NDRG2: variants seen among roughly 807,000 people sequenced by gnomAD.
NDRG2 encodes NDRG family member 2.
Under a neutral mutation model 58.2 loss-of-function variants are expected in NDRG2, and 34 were observed. That is an observed-to-expected ratio of 0.58 (90% CI 0.44 to 0.78). The LOEUF (loss-of-function observed/expected upper bound fraction) is 0.78, where lower values mean the gene tolerates loss of function less well. Ranked by LOEUF, NDRG2 falls within the 30% of genes least tolerant of loss-of-function variation. The pLI is 0.00. For missense variants in NDRG2, 434 were observed against 471.2 expected (o/e 0.92, Z 0.73); for synonymous variants, 187 against 175.9 (o/e 1.06, Z -0.50).
Position 21,057,618 on chromosome 14 carries a change from C to CATATATATATATATATAT in NDRG2, c.24+13192_24+13209dup, listed in dbSNP as rs57420807. Among the ~76,000 whole-genome samples, 545 of 122,864 alleles carry CATATATATATATATATAT rather than the reference C, an allele frequency of 4.4e-3. 24 individuals carry two copies. Among genetic ancestry groups the CATATATATATATATATAT allele is most frequent in the African/African-American group, 0.017 (512 of 29,844 alleles). 80.6% of individuals were successfully genotyped at this position (122,864 alleles called of 152,430 possible). A position where few individuals can be genotyped will look rare whatever the true frequency, so the allele number is the denominator to read the frequency against. ...TAACTTTCCTGAGCCTCATTTTATT[C>CATATATATATATATATAT]ATATATATATATATATATGTGAGAA... On this transcript the variant is annotated intron_variant, in intron 1 of 14. Transcript: ENST00000403829.
In NDRG2 at chr14:21,038,493, A is replaced by G. The variant is rs570813297; in HGVS notation, c.25-15172T>C. 2.6e-5 allele frequency among the ~76,000 whole-genome samples: 4 copies of G among 152,324 alleles called. No homozygotes were observed. The East Asian group carries it at 7.7e-4, about 29-fold the overall frequency. The stretch of plus-strand genomic sequence containing the variant: ...TGTCTCTGAATTGGGAGGGTCAGAG[A>G]AAGTTTTCCTGAAGGGTCACCCTGG... On this transcript the variant is annotated intron_variant, in intron 1 of 14. Coordinates refer to the NDRG2 transcript ENST00000403829.
At chr14:21,045,505 A>G (rs1885103216) in intron 1 of NDRG2, among the ~76,000 whole-genome samples, 1 of 152,188 alleles carries the variant, frequency 6.6e-6, no homozygotes, top group African/African-American at 2.4e-5. Context: ...TTACCATCCT[A>G]AAGAGATGAT....
rs117065194 is a variant in NDRG2, at chr14:21,036,043, G to A, written c.25-12722C>T. ...ATTTTTTACCTCACGGCAGTATGAG[G>A]ATCCATTAAGATGTATATCAAGAGT... is the stretch of plus-strand genomic sequence containing the variant. On this transcript the variant is annotated intron_variant, in intron 1 of 14. Transcript: ENST00000403829. 8.4e-4 allele frequency: 318 copies of A among 380,248 alleles called. No homozygotes were observed. The East Asian group carries it at 0.02, about 24-fold the overall frequency. 23.6% of individuals were successfully genotyped at this position (380,248 alleles called of 1,614,324 possible).
rs1038756276 is a variant in NDRG2, at chr14:21,070,543, C to T, written c.24+285G>A. 9.4e-7 allele frequency: 1 copy of T among 1,060,196 alleles called. No homozygotes were observed. Among genetic ancestry groups the T allele is most frequent in the African/African-American group, 1.6e-5 (1 of 62,846 alleles). The allele number at this position is 1,060,196 out of a possible 1,614,324, so 65.7% of individuals were successfully genotyped here. The stretch of plus-strand genomic sequence containing the variant: ...ACTCTCCTCCCTCCCATCCCCCCTT[C>T]TTCGATTTGTCTGTCTGCCCGACTG... On this transcript the variant is annotated intron_variant, in intron 1 of 14. Coordinates refer to the NDRG2 transcript ENST00000403829. This position sits in a 1 kb window ranked among gnomAD's most constrained non-coding sequence, Gnocchi z 4.7.
At chr14:21,051,411 G>A (rs1280604312) in intron 1 of NDRG2, among the ~76,000 whole-genome samples, 3 of 152,156 alleles carry the variant, frequency 2.0e-5, no homozygotes, top group East Asian at 1.9e-4. Context: ...AAGGCTGCAC[G>A]CAGCCTTGTT....
intron 1 of NDRG2, among the ~76,000 whole-genome samples, chr14:21,064,947 G>A (rs1249585161): frequency 1.3e-5 from 2 of 152,158 alleles, no homozygotes; most frequent in Non-Finnish European, 2.9e-5. Flanking sequence ...GAGGCAGGCA[G>A]ATCACCTGAG....
chr14:21,026,073 G>C (rs891080750), upstream of NDRG2, among the ~76,000 whole-genome samples: 1 of 151,978 alleles, frequency 6.6e-6, no homozygotes, highest in Non-Finnish European at 1.5e-5. Context: ...AATGCCCGGG[G>C]GATGGTCTCA....
chr14:21,040,603 G>A (rs977142641), intron 1 of NDRG2, among the ~76,000 whole-genome samples: 21 of 152,274 alleles, frequency 1.4e-4, no homozygotes, highest in African/African-American at 3.4e-4. Context: ...CAAATGGTCC[G>A]TAAGTCTTCC....
chr14:21,019,770 AG>A (rs150516189), intron 9 of NDRG2, 28 bp from the exon 10 acceptor site: 80,641 of 1,554,046 alleles, frequency 0.052, 2,458 homozygotes, highest in East Asian at 0.13. Flanking sequence ...GAGAAAAATT[AG>A]GGATGGAAAG....
At chr14:21,049,096 A>T (rs1446686866) in intron 1 of NDRG2, among the ~76,000 whole-genome samples, 1 of 152,194 alleles carries the variant, frequency 6.6e-6, no homozygotes, top group Non-Finnish European at 1.5e-5. Flanking sequence ...TAGGACCACT[A>T]ACTTTTGAGG....
intron 1 of NDRG2, among the ~76,000 whole-genome samples, chr14:21,040,554 G>C (rs958433750): frequency 1.3e-5 from 2 of 152,156 alleles, no homozygotes; most frequent in Admixed American, 6.5e-5. Flanking sequence ...AACCCTTCCA[G>C]GGTTCCCTAC....
At chr14:21,062,052 C>A (rs1472879180) in intron 1 of NDRG2, among the ~76,000 whole-genome samples, 3 of 152,120 alleles carry the variant, frequency 2.0e-5, no homozygotes, top group Non-Finnish European at 2.9e-5. Context: ...GAATACAATT[C>A]TTTAAAGTGA....
intron 1 of NDRG2, 90 bp from the exon 2 acceptor site, chr14:21,023,411 T>G (rs1327161449): frequency 1.6e-6 from 2 of 1,216,640 alleles, no homozygotes; most frequent in South Asian, 1.3e-5. Flanking sequence ...CACAGGAAGA[T>G]GCAGGGAACA....
intron 1 of NDRG2, among the ~76,000 whole-genome samples, chr14:21,069,883 GGAA>G (rs1886543950): frequency 1.3e-5 from 2 of 152,244 alleles, no homozygotes; most frequent in Non-Finnish European, 1.5e-5. Context: ...TCCAGCCGCA[GGAA>G]GACCCCAGTT....
At chr14:21,027,850 T>A (rs1430888105), upstream of NDRG2, among the ~76,000 whole-genome samples, 1 of 152,190 alleles carries the variant, frequency 6.6e-6, no homozygotes, top group Non-Finnish European at 1.5e-5. Flanking sequence ...AAATGAGAAG[T>A]GCAACCATGG....
At chr14:21,020,422 A>G in intron 8 of NDRG2, 74 bp downstream of exon 8, 3 of 1,199,752 alleles carry the variant, frequency 2.5e-6, no homozygotes, top group Non-Finnish European at 3.7e-6. Context: ...CAGTTAGGCT[A>G]TCTACCAGAG....
In NDRG2 at chr14:21,017,476, C is replaced by T; in HGVS notation, c.*120G>A. ...GGTAGCAATCAAAGATCAAGGTCAT[C>T]TCCCCGCATGATCTGCCCTTTTTCC... is the stretch of plus-strand genomic sequence containing the variant. On this transcript the variant is annotated 3_prime_UTR_variant, in exon 16 of 16. Coordinates refer to ENST00000556147, the MANE Select transcript of NDRG2 (RefSeq NM_001320329.2). The T allele has an allele frequency of 8.9e-7, 1 of 1,119,308 alleles. No individual in the cohort carries two copies. Among genetic ancestry groups the T allele is most frequent in the Non-Finnish European group, 1.3e-6 (1 of 793,218 alleles). The allele number at this position is 1,119,308 out of a possible 1,614,324, so 69.3% of individuals were successfully genotyped here.
chr14:21,025,323 T>G, upstream of NDRG2: 1 of 962,228 alleles, frequency 1.0e-6, no homozygotes, highest in Non-Finnish European at 1.2e-6. The surrounding 1 kb of genome is among the most constrained non-coding windows in gnomAD (Gnocchi z 5.1). Context: ...TGGGGCGGTG[T>G]GGGGAGTGCG....
chr14:21,055,035 C>A (rs543135575), intron 1 of NDRG2, among the ~76,000 whole-genome samples: 1 of 152,276 alleles, frequency 6.6e-6, no homozygotes, highest in South Asian at 2.1e-4. Flanking sequence ...ATACTCTATC[C>A]TACCATACTC....
Sources: allele counts gnomAD v4.1 joint callset (sites outside exome capture counted in the v4.1 genomes callset), GRCh38; gene constraint gnomAD v4.1.1; non-coding constraint Gnocchi (gnomAD v3.1); transcripts MANE v1.5; gene names NCBI Gene and HGNC (gene_info 2026-07-23, HGNC 2026-07-21).